The following SIDT1 variants were observed in gnomAD, a reference collection of about 807,000 sequenced individuals.
The protein encoded by SIDT1 is SID1 transmembrane family member 1, also known as SID1 transmembrane family, member 1.
A neutral mutation model predicts 107.5 loss-of-function variants in SIDT1; 101 were observed. The observed-to-expected ratio is 0.94, with a 90% confidence interval of 0.80 to 1.11. The LOEUF is 1.11. Ranked by LOEUF, SIDT1 falls within the 50% of genes least tolerant of loss-of-function variation. The probability of loss-of-function intolerance (pLI) is 0.00; values close to 1 mark genes in which losing one functional copy is unlikely to be tolerated. For synonymous variants in SIDT1, 395 were observed against 398.2 expected, an observed-to-expected ratio of 0.99 and a Z score of 0.10; for missense variants, 1,076 against 1,058.2, an observed-to-expected ratio of 1.02 and a Z score of -0.23.
chr3:113,539,834 C>G (rs1034945849), intron 1 of SIDT1, among the ~76,000 whole-genome samples: 5 of 152,078 alleles, frequency 3.3e-5, no homozygotes, highest in Non-Finnish European at 5.9e-5. Context: ...GAAACCCCAT[C>G]TCTACTAAAA....
At chr3:113,543,067 A>C (rs1296014823) in intron 1 of SIDT1, among the ~76,000 whole-genome samples, 1 of 151,848 alleles carries the variant, frequency 6.6e-6, no homozygotes, top group African/African-American at 2.4e-5. Context: ...CTGCCTCCCA[A>C]ATAGCTGGAA....
At chr3:113,634,384 C>T (rs942717927), downstream of SIDT1, among the ~76,000 whole-genome samples, 16 of 152,178 alleles carry the variant, frequency 1.1e-4, no homozygotes, top group Admixed American at 1.0e-3. Flanking sequence ...CAGCTGGATG[C>T]AGTGGCTCAC....
rs572676952 is a variant in SIDT1, at chr3:113,563,941, C to CT, written c.223-2469dup. 1.3e-3 allele frequency among the ~76,000 whole-genome samples: 187 copies of CT among 147,296 alleles called. 1 individual carries two copies. The highest frequency in any genetic ancestry group is 3.4e-3 in the Middle Eastern group (1 of 290). On this transcript the variant is annotated intron_variant, in intron 1 of 24. Coordinates refer to ENST00000264852, the MANE Select transcript of SIDT1 (RefSeq NM_017699.3). ...CGATCTTTGGTGTGTACTTCTTTTT[C>CT]TTTTTTTTTTGTTTTGTTTTTTTGA...
chr3:113,608,306 G>T, intron 16 of SIDT1, 89 bp downstream of exon 16: 1 of 1,545,424 alleles, frequency 6.5e-7, no homozygotes, highest in Non-Finnish European at 8.8e-7. Context: ...ATGGTGTGAT[G>T]ATTTATTATG....
intron 23 of SIDT1, among the ~76,000 whole-genome samples, chr3:113,625,606 T>A (rs1477837308): frequency 6.6e-6 from 1 of 152,358 alleles, no homozygotes; most frequent in African/African-American, 2.4e-5. Flanking sequence ...AGGGGTAAGA[T>A]GATATCTCAT....
chr3:113,608,608 CAA>C lies in SIDT1; in HGVS notation c.1720+74_1720+75del, dbSNP rs538695178. ...ATCCTGGAACCCTCCCCAAAAATGC[CAA>C]AGTCATGCTTGCAAAGATCAAATGG... On this transcript the variant is annotated intron_variant, in intron 17 of 24. Coordinates refer to ENST00000264852, the MANE Select transcript of SIDT1 (RefSeq NM_017699.3). The C allele has an allele frequency of 2.1e-5, 22 of 1,057,718 alleles. No individual in the cohort carries two copies. In the South Asian group the frequency reaches 2.4e-4, roughly 12 times the overall value. The allele number at this position is 1,057,718 out of a possible 1,614,324, so 65.5% of individuals were successfully genotyped here.
intron 1 of SIDT1, among the ~76,000 whole-genome samples, chr3:113,546,086 T>C (rs902068497): frequency 6.6e-6 from 1 of 152,140 alleles, no homozygotes; most frequent in African/African-American, 2.4e-5. Context: ...GAGCATGGGG[T>C]GGAGTACCAG....
chr3:113,624,559 A>C (rs913558486), intron 23 of SIDT1, among the ~76,000 whole-genome samples: 2 of 152,176 alleles, frequency 1.3e-5, no homozygotes, highest in African/African-American at 4.8e-5. Flanking sequence ...TGCTGCTGTG[A>C]ATATTTGTGT....
chr3:113,611,574 G>A, intron 18 of SIDT1, among the ~76,000 whole-genome samples: 1 of 152,158 alleles, frequency 6.6e-6, no homozygotes, highest in East Asian at 1.9e-4. Flanking sequence ...GCCCACCTCG[G>A]CCTCCCAAAG....
At chr3:113,620,946 C>A (rs1325443806) in intron 21 of SIDT1, among the ~76,000 whole-genome samples, 1 of 152,158 alleles carries the variant, frequency 6.6e-6, no homozygotes, top group Non-Finnish European at 1.5e-5. Context: ...AATGGCCTCT[C>A]TTCACAGACA....
chr3:113,582,393 A>T (rs1252269669), intron 6 of SIDT1, among the ~76,000 whole-genome samples: 1 of 152,144 alleles, frequency 6.6e-6, no homozygotes, highest in Non-Finnish European at 1.5e-5. Context: ...TAGGTATGAG[A>T]CCTAAAATTT....
chr3:113,626,751 G>A (rs888126810), intron 24 of SIDT1, among the ~76,000 whole-genome samples: 2 of 152,146 alleles, frequency 1.3e-5, no homozygotes, highest in East Asian at 1.9e-4. Context: ...CAGAAGCCAT[G>A]AGTATTTATA....
At chr3:113,605,122 C>CACTTTTTTTTT in intron 14 of SIDT1, 146 bp downstream of exon 14, 2 of 306,984 alleles carry the variant, frequency 6.5e-6, no homozygotes, top group Non-Finnish European at 5.4e-6. Context: ...CTATTGCTTC[C>CACTTTTTTTTT]TCTTTTTTTT....
chr3:113,581,301 TG>T, intron 5 of SIDT1, 59 bp from the exon 6 acceptor site: 1 of 1,335,704 alleles, frequency 7.5e-7, no homozygotes. Flanking sequence ...GACCTATGTG[TG>T]GCATGACATT....
intron 1 of SIDT1, among the ~76,000 whole-genome samples, chr3:113,553,677 C>A (rs1039379564): frequency 5.9e-5 from 9 of 152,190 alleles, no homozygotes; most frequent in Admixed American, 1.3e-4. Context: ...GAGGCTGAAC[C>A]AACCCAGGCT....
At chr3:113,597,015 T>C (rs138171954) in intron 10 of SIDT1, among the ~76,000 whole-genome samples, 60 of 152,320 alleles carry the variant, frequency 3.9e-4, no homozygotes, top group Middle Eastern at 3.4e-3. Context: ...GGCCATTCAG[T>C]GACAAAGGGT....
At chr3:113,599,360 T>A (rs1944795171) in intron 10 of SIDT1, among the ~76,000 whole-genome samples, 1 of 152,228 alleles carries the variant, frequency 6.6e-6, no homozygotes, top group African/African-American at 2.4e-5. Flanking sequence ...TGTGCTTTTT[T>A]AAAATGTGAG....
intron 1 of SIDT1, among the ~76,000 whole-genome samples, chr3:113,545,047 G>C (rs1034826707): frequency 6.7e-6 from 1 of 149,528 alleles, no homozygotes; most frequent in African/African-American, 2.5e-5. Context: ...CCCAGGAGGC[G>C]GAGTTTGCAG....
At chr3:113,564,534 C>G (rs1941727497) in intron 1 of SIDT1, among the ~76,000 whole-genome samples, 1 of 152,030 alleles carries the variant, frequency 6.6e-6, no homozygotes, top group Admixed American at 6.6e-5. Context: ...CAGGACTGAG[C>G]TATGAGAGTG....
Sources: allele counts gnomAD v4.1 joint callset (sites outside exome capture counted in the v4.1 genomes callset), GRCh38; gene constraint gnomAD v4.1.1; transcripts MANE v1.5; gene names NCBI Gene and HGNC (gene_info 2026-07-23, HGNC 2026-07-21).